Variants in CSMD1 observed in about 807,000 individuals in gnomAD.
CSMD1 encodes the protein CUB and sushi domain-containing protein 1.
Under a neutral mutation model 417.5 loss-of-function variants are expected in CSMD1, and 213 were observed. That is an observed-to-expected ratio of 0.51 (90% CI 0.46 to 0.57). The LOEUF is 0.57. Among genes scored for constraint, CSMD1 ranks in the 20% least tolerant of loss-of-function variants. The pLI, the probability that CSMD1 is intolerant of heterozygous loss-of-function variation, is 0.00. For synonymous variants in CSMD1, 2,862 were observed against 1,736.8 expected (o/e 1.65, Z -16.11); for missense variants, 6,923 against 4,529.7 (o/e 1.53, Z -15.17).
Position 4,625,614 on chromosome 8 carries a change from C to T in CSMD1, c.302+11728G>A, listed in dbSNP as rs150193207. Among the ~76,000 whole-genome samples the T allele has an allele frequency of 1.2e-3, 189 of 152,028 alleles. 1 individual carries two copies. Among genetic ancestry groups the T allele is most frequent in the Non-Finnish European group, 2.1e-3 (142 of 67,972 alleles). ...GCAAATACAAAGTCACAACATATCC[C>T]GTGCATTTACATTTTAGAAATATTT... On this transcript the variant is annotated intron_variant, in intron 2 of 69. Coordinates refer to ENST00000635120, the MANE Select transcript of CSMD1 (RefSeq NM_033225.6).
chr8:3,790,844 G>A (rs192799009), intron 5 of CSMD1, among the ~76,000 whole-genome samples: 4 of 152,084 alleles, frequency 2.6e-5, no homozygotes, highest in Non-Finnish European at 4.4e-5. Flanking sequence ...CTGAGTAACC[G>A]TCCCTCTCCC....
intron 10 of CSMD1, among the ~76,000 whole-genome samples, chr8:3,539,667 A>G (rs985618214): frequency 5.9e-5 from 9 of 151,948 alleles, no homozygotes; most frequent in African/African-American, 2.2e-4. Flanking sequence ...TGACCTTGTC[A>G]CCCACTAAGA....
intron 1 of CSMD1, among the ~76,000 whole-genome samples, chr8:4,817,638 C>CA (rs1206911612): frequency 6.6e-6 from 1 of 152,206 alleles, no homozygotes; most frequent in Non-Finnish European, 1.5e-5. Context: ...AATTTAATAA[C>CA]ATGCATAAAA....
intron 1 of CSMD1, among the ~76,000 whole-genome samples, chr8:4,837,258 A>C (rs1055218208): frequency 8.7e-5 from 13 of 150,064 alleles, no homozygotes; most frequent in East Asian, 2.0e-4. Context: ...TATACCCCCC[A>C]AAAAAGGAAA....
intron 6 of CSMD1, among the ~76,000 whole-genome samples, chr8:3,716,895 T>A (rs1801873024): frequency 6.6e-6 from 1 of 152,198 alleles, no homozygotes. Flanking sequence ...ATTTTGTACA[T>A]GGTACTAAAA....
At position 3,769,270 on chromosome 8, in the gene CSMD1, G is replaced by A. The variant is rs547165951; in HGVS notation, c.819-15228C>T. Among the ~76,000 whole-genome samples, 10 of 152,176 alleles carry A rather than the reference G, an allele frequency of 6.6e-5. No individual in the cohort carries two copies. In the South Asian group the frequency reaches 1.7e-3, roughly 25 times the overall value. ...CACCATGATTCTTCCATATATATCA[G>A]TAACAAACTATAGCTAAATAGTGGT... On this transcript the variant is annotated intron_variant, in intron 5 of 69. Coordinates refer to ENST00000635120, the MANE Select transcript of CSMD1 (RefSeq NM_033225.6).
chr8:3,575,096 C>T (rs769694235), intron 9 of CSMD1, 30 bp from the exon 10 acceptor site: 17 of 1,604,116 alleles, frequency 1.1e-5, no homozygotes, highest in Non-Finnish European at 1.4e-5. Flanking sequence ...ACGTTATTTT[C>T]TACAACATTG....
chr8:4,488,412 G>A (rs573074880), intron 2 of CSMD1, among the ~76,000 whole-genome samples: 6 of 151,956 alleles, frequency 3.9e-5, no homozygotes, highest in Non-Finnish European at 7.4e-5. Flanking sequence ...GCTTGATCTC[G>A]TTGCCTCTGT....
chr8:3,340,281 C>T (rs965559557), intron 23 of CSMD1, among the ~76,000 whole-genome samples: 5 of 152,110 alleles, frequency 3.3e-5, no homozygotes, highest in Non-Finnish European at 5.9e-5. Context: ...TTTCCCAAGA[C>T]CTGGAATTAC....
At chr8:4,039,180 T>C (rs1382390881) in intron 3 of CSMD1, among the ~76,000 whole-genome samples, 5 of 152,192 alleles carry the variant, frequency 3.3e-5, no homozygotes, top group Non-Finnish European at 7.3e-5. Flanking sequence ...ATGAGGTGGA[T>C]TCATCTGGAA....
At chr8:4,777,643 T>C (rs921051132) in intron 1 of CSMD1, among the ~76,000 whole-genome samples, 1 of 152,242 alleles carries the variant, frequency 6.6e-6, no homozygotes, top group Non-Finnish European at 1.5e-5. Flanking sequence ...TTTAAAATAC[T>C]GTATTAGCTT....
chr8:3,898,447 T>C (rs1807511119), intron 5 of CSMD1, among the ~76,000 whole-genome samples: 1 of 152,182 alleles, frequency 6.6e-6, no homozygotes, highest in African/African-American at 2.4e-5. Flanking sequence ...TGTCATCAAG[T>C]AAGTTGAATA....
chr8:3,399,571 G>A, intron 15 of CSMD1, 42 bp from the exon 16 acceptor site: 2 of 1,488,896 alleles, frequency 1.3e-6, no homozygotes, highest in Non-Finnish European at 9.0e-7. Context: ...CAATGAGACA[G>A]AAGGATATGC....
At chr8:4,042,019 G>A (rs1467677223) in intron 3 of CSMD1, among the ~76,000 whole-genome samples, 1 of 151,958 alleles carries the variant, frequency 6.6e-6, no homozygotes, top group East Asian at 1.9e-4. Flanking sequence ...AGAGCACAGA[G>A]AATCAATGAA....
At chr8:3,998,628 A>G (rs1815413481) in intron 4 of CSMD1, among the ~76,000 whole-genome samples, 1 of 152,202 alleles carries the variant, frequency 6.6e-6, no homozygotes. Context: ...GAGGCACATC[A>G]CCTCATAAAA....
chr8:4,410,396 A>G (rs886788935), intron 3 of CSMD1, among the ~76,000 whole-genome samples: 2 of 152,208 alleles, frequency 1.3e-5, no homozygotes, highest in Non-Finnish European at 2.9e-5. Flanking sequence ...ATCCACATGT[A>G]AATATTTAAA....
chr8:4,749,029 C>A (rs779410816), intron 1 of CSMD1, among the ~76,000 whole-genome samples: 57 of 151,220 alleles, frequency 3.8e-4, no homozygotes, highest in East Asian at 9.6e-4. Flanking sequence ...AGTTCTGACC[C>A]AAAACTGTGT....
At chr8:4,508,065 G>A (rs1802621276) in intron 2 of CSMD1, among the ~76,000 whole-genome samples, 1 of 144,100 alleles carries the variant, frequency 6.9e-6, no homozygotes, top group East Asian at 2.1e-4. Context: ...TCTGGAGATT[G>A]TGAGCTATGT....
chr8:3,325,322 C>T (rs969003617), intron 23 of CSMD1, among the ~76,000 whole-genome samples: 1 of 152,220 alleles, frequency 6.6e-6, no homozygotes, highest in Non-Finnish European at 1.5e-5. Context: ...AATATTCTGT[C>T]ATCGCTCCTA....
Sources: gnomAD v4.1 joint callset for allele counts (sites outside exome capture counted in the v4.1 genomes callset) on GRCh38, gnomAD v4.1.1 for gene constraint, MANE v1.5 for transcripts, NCBI Gene and HGNC (gene_info 2026-07-23, HGNC 2026-07-21) for gene names.